KRT71: variants seen among roughly 807,000 people sequenced by gnomAD.
KRT71 encodes keratin 71.
In KRT71, 42 loss-of-function variants were observed where a neutral mutation model predicts 46.2. That is an observed-to-expected ratio of 0.91 (90% CI 0.71 to 1.18). KRT71 has a LOEUF of 1.18. KRT71 is among the 50% of genes most tolerant of loss of function. The pLI, the probability that KRT71 is intolerant of heterozygous loss-of-function variation, is 0.00. For missense variants in KRT71, 708 were observed against 677.9 expected, an observed-to-expected ratio of 1.04 and a Z score of -0.49; for synonymous variants, 292 against 277.8, an observed-to-expected ratio of 1.05 and a Z score of -0.51.
chr12:52,545,551 A>G lies in KRT71; in HGVS notation c.1360+14T>C, dbSNP rs369793135. ...AGATTTTACAATTTTAGGTGAAAGT[A>G]TACAAATACTTACAGATGCTGACAG... is the stretch of plus-strand genomic sequence containing the variant. On this transcript the variant is annotated intron_variant, in intron 8 of 8. Coordinates refer to ENST00000267119, the MANE Select transcript of KRT71 (RefSeq NM_033448.3). 19 of 1,529,502 alleles carry G rather than the reference A, an allele frequency of 1.2e-5. No homozygotes were observed. Among genetic ancestry groups the G allele is most frequent in the South Asian group, 4.6e-5 (4 of 87,398 alleles). 94.7% of individuals were successfully genotyped at this position (1,529,502 alleles called of 1,614,324 possible). A position where few individuals can be genotyped will look rare whatever the true frequency, so the allele number is the denominator to read the frequency against.
Position 52,546,483 on chromosome 12 carries a change from G to A in KRT71, c.1128C>T (p.Ile376=), listed in dbSNP as rs767218466. ...KKQASNLETA[I]ADAEQRGDNA... ...TGTCTCCCCGCTGCTCAGCATCAGC[G>A]ATGGCTGTCTCCAGGTTGGAAGCCT... is the stretch of plus-strand genomic sequence containing the variant. Residue 376 remains isoleucine, a synonymous_variant, in exon 7 of 9, where the codon ATC becomes ATT. Transcript: ENST00000267119. The A allele has an allele frequency of 8.1e-6, 13 of 1,613,996 alleles. No homozygotes were observed. The highest frequency in any genetic ancestry group is 8.0e-5 in the African/African-American group (6 of 74,942).
At chr12:52,546,672 C>T (rs561148871) in intron 6 of KRT71, among the ~76,000 whole-genome samples, 166 bp from the exon 7 acceptor site, 2 of 152,364 alleles carry the variant, frequency 1.3e-5, no homozygotes, top group African/African-American at 4.8e-5. Context: ...CACCTCCCTC[C>T]TTAGCTCTAG....
intron 1 of KRT71, among the ~76,000 whole-genome samples, chr12:52,552,055 A>T (rs575678781): frequency 6.6e-6 from 1 of 152,332 alleles, no homozygotes; most frequent in South Asian, 2.1e-4. Flanking sequence ...AGATGAGGAG[A>T]TGGCAACACA....
At chr12:52,545,690 T>G (rs1474657219) in intron 7 of KRT71, 91 bp from the exon 8 acceptor site, 1 of 805,252 alleles carries the variant, frequency 1.2e-6, no homozygotes, top group Non-Finnish European at 2.0e-6. Flanking sequence ...TTATGTGGGT[T>G]TTTGGACCCA....
intron 6 of KRT71, 66 bp from the exon 7 acceptor site, chr12:52,546,572 C>T: frequency 6.6e-7 from 1 of 1,512,610 alleles, no homozygotes; most frequent in Non-Finnish European, 9.0e-7. Flanking sequence ...CATCCAATCC[C>T]TCTGGGTCCT....
intron 7 of KRT71, 66 bp from the exon 8 acceptor site, chr12:52,545,665 C>T (rs1318940982): frequency 2.0e-6 from 2 of 1,002,048 alleles, no homozygotes; most frequent in Admixed American, 2.1e-5. Flanking sequence ...TTTAAAGCTA[C>T]TGCCACCATC....
chr12:52,548,585 T>C lies in KRT71; in HGVS notation c.813+116A>G, dbSNP rs980800864. On this transcript the variant is annotated intron_variant, in intron 4 of 8. Transcript: ENST00000267119. The stretch of plus-strand genomic sequence containing the variant: ...CTCGCAAGTCTGATGCGGGAGATGG[T>C]TGGCTAACTGAGGGGTCTCACTGAG... 6 of 929,884 alleles carry C rather than the reference T, an allele frequency of 6.5e-6. No individual in the cohort carries two copies. In the African/African-American group the frequency reaches 8.2e-5, roughly 13 times the overall value. The allele number at this position is 929,884 out of a possible 1,614,324, so 57.6% of individuals were successfully genotyped here. A position where few individuals can be genotyped will look rare whatever the true frequency, so the allele number is the denominator to read the frequency against.
chr12:52,545,514 T>C, intron 8 of KRT71, 51 bp downstream of exon 8: 1 of 1,203,862 alleles, frequency 8.3e-7, no homozygotes, highest in African/African-American at 1.5e-5. Context: ...ACTAAGGTCC[T>C]TTCCAGGCTG....
Position 52,552,226 on chromosome 12 carries a change from G to C in KRT71, c.441+411C>G, listed in dbSNP as rs998932091. 2.6e-5 allele frequency among the ~76,000 whole-genome samples: 4 copies of C among 152,230 alleles called. No individual in the cohort carries two copies. In the East Asian group the frequency reaches 5.8e-4, roughly 22 times the overall value. ...AGAGGGCCTGAAGCGGCCCCTTCCT[G>C]CTGCTCCTGATCCGCTGGGCAAGTG... On this transcript the variant is annotated intron_variant, in intron 1 of 8. Transcript: ENST00000267119.
chr12:52,548,338 T>A (rs746852756), intron 4 of KRT71, 22 bp from the exon 5 acceptor site: 54 of 1,588,766 alleles, frequency 3.4e-5, no homozygotes, highest in Non-Finnish European at 4.4e-5. Flanking sequence ...ACAGAAATGG[T>A]CTCTCGGCTC....
rs202033640 is a variant in KRT71 at position 52,546,466 on chromosome 12, C to T, written c.1145G>A (p.Arg382Gln). 7.5e-5 allele frequency: 121 copies of T among 1,614,180 alleles called. No homozygotes were observed. In the African/African-American group the frequency reaches 8.4e-4, roughly 11 times the overall value. The change falls in exon 7 of 9, where the codon CGG becomes CAG. Residue 382 changes from arginine (R) to glutamine (Q), a missense_variant. Physicochemically the swap from Arg to Gln is conservative, Grantham distance 43. Transcript: ENST00000267119. ...LETAIADAEQ[R>Q]GDNALKDARA... ...GGCATCCTTCAGGGCGTTGTCTCCC[C>T]GCTGCTCAGCATCAGCGATGGCTGT...
chr12:52,549,196 A>G, intron 3 of KRT71, 97 bp downstream of exon 3: 1 of 894,540 alleles, frequency 1.1e-6, no homozygotes, highest in Middle Eastern at 3.1e-4. Flanking sequence ...TTCCTGAATC[A>G]GTTCACCTTG....
At chr12:52,552,615 C>T (rs753436616) in intron 1 of KRT71, 22 bp downstream of exon 1, 70 of 1,592,592 alleles carry the variant, frequency 4.4e-5, no homozygotes, top group Non-Finnish European at 1.8e-5. Flanking sequence ...TTCACAAGTT[C>T]CCCAGGCCCT....
At chr12:52,545,696 AC>A in intron 7 of KRT71, 97 bp from the exon 8 acceptor site, 1 of 743,680 alleles carries the variant, frequency 1.3e-6, no homozygotes, top group Non-Finnish European at 2.3e-6. Flanking sequence ...GGGTTTTTGG[AC>A]CCAACAGGCA....
At chr12:52,550,641 A>G (rs1337587362) in intron 1 of KRT71, among the ~76,000 whole-genome samples, 1 of 152,256 alleles carries the variant, frequency 6.6e-6, no homozygotes, top group African/African-American at 2.4e-5. Context: ...AGGGCATGTC[A>G]GAGCTCAGTA....
rs766061542 is a variant in KRT71 at position 52,544,709 on chromosome 12, A to G, written c.1395T>C (p.Tyr465=). 6 of 1,612,304 alleles carry G rather than the reference A, an allele frequency of 3.7e-6. No homozygotes were observed. In the East Asian group the frequency reaches 8.9e-5, roughly 24 times the overall value. The part of the protein sequence containing the change: ...IISSTSGGSV[Y]GFRPSMVSGG... ...CGCTGACCATGCTGGGCCGGAAGCC[A>G]TAGACACTGCCGCCACTGGTGCTGC... is the stretch of plus-strand genomic sequence containing the variant. The change falls in exon 9 of 9, where the codon TAT becomes TAC. Residue 465 remains tyrosine (Y), a synonymous_variant. Transcript: ENST00000267119.
rs1299473079 is a variant in KRT71 at position 52,548,320 on chromosome 12, C to A, written c.814-4G>T. ...GGGACTGGATCTGAGTGATCTCCTG[C>A]AGGGGACACAGAAATGGTCTCTCGG... On this transcript the variant is annotated splice_polypyrimidine_tract_variant and splice_region_variant and intron_variant, in intron 4 of 8. Transcript: ENST00000267119. 1.2e-6 allele frequency: 2 copies of A among 1,604,984 alleles called. No homozygotes were observed. The highest frequency in any genetic ancestry group is 1.1e-5 in the South Asian group (1 of 89,158).
In KRT71 at chr12:52,547,821, G is replaced by A. The variant is rs988563341; in HGVS notation, c.1104+36C>T. ...ATCTCCCCTCTACTCATGCTCCCCTGCACTTGACCACAGGCCAAGGCCAAC... is the reference window on the plus strand; with the variant it reads ...ATCTCCCCTCTACTCATGCTCCCCTACACTTGACCACAGGCCAAGGCCAAC... On this transcript the variant is annotated intron_variant, in intron 6 of 8. Transcript: ENST00000267119. The A allele has an allele frequency of 3.1e-6, 5 of 1,610,128 alleles. No homozygotes were observed. The African/African-American group carries it at 6.7e-5, about 21-fold the overall frequency.
At chr12:52,545,005 G>C (rs930869901) in intron 8 of KRT71, among the ~76,000 whole-genome samples, 1 of 152,092 alleles carries the variant, frequency 6.6e-6, no homozygotes, top group African/African-American at 2.4e-5. Context: ...ACCCCTACCT[G>C]TCCTCCTGGA....
Sources: gnomAD v4.1 joint callset for allele counts (sites outside exome capture counted in the v4.1 genomes callset) on GRCh38, gnomAD v4.1.1 for gene constraint, MANE v1.5 for transcripts, NCBI Gene and HGNC (gene_info 2026-07-23, HGNC 2026-07-21) for gene names.